ALDH1A3: variants seen among roughly 807,000 people sequenced by gnomAD.
ALDH1A3 encodes the protein retinaldehyde dehydrogenase 3.
Under a neutral mutation model 57.5 loss-of-function variants are expected in ALDH1A3, and 28 were observed. The ratio of observed to expected loss-of-function variants is 0.49; its 90% CI spans 0.36 to 0.67. ALDH1A3 has a LOEUF of 0.67. Ranked by LOEUF, ALDH1A3 falls within the 30% of genes least tolerant of loss-of-function variation. ALDH1A3 has a pLI of 0.00. For synonymous variants in ALDH1A3, 281 were observed against 264.8 expected (o/e 1.06, Z -0.59); for missense variants, 507 against 669.4 (o/e 0.76, Z 2.68).
rs1465652634 is a variant in ALDH1A3, at chr15:100,879,961, G to C, written c.54G>C (p.Pro18=). 1 of 1,475,670 alleles carries C rather than the reference G, an allele frequency of 6.8e-7. No homozygotes were observed. Among genetic ancestry groups the C allele is most frequent in the Non-Finnish European group, 9.0e-7 (1 of 1,112,336 alleles). 91.4% of individuals were successfully genotyped at this position (1,475,670 alleles called of 1,614,324 possible). The stretch of plus-strand genomic sequence containing the variant: ...ACGGGCAGCCGGACAGGAAGCCGCC[G>C]GCCCTGCCGCGCCCCATCCGCAACC... The part of the protein sequence containing the change: ...VENGQPDRKP[P]ALPRPIRNLE... Residue 18 remains proline, a synonymous_variant, in exon 1 of 13, where the codon CCG becomes CCC. Coordinates refer to ENST00000329841, the MANE Select transcript of ALDH1A3 (RefSeq NM_000693.4).
chr15:100,902,256 T>C (rs1315615507), intron 9 of ALDH1A3, among the ~76,000 whole-genome samples: 1 of 152,210 alleles, frequency 6.6e-6, no homozygotes, highest in Non-Finnish European at 1.5e-5. Context: ...AGAGAACAGA[T>C]AGAGGCAGAA....
intron 6 of ALDH1A3, 161 bp from the exon 7 acceptor site, chr15:100,895,770 TCC>T (rs2141558226): frequency 1.6e-6 from 1 of 637,162 alleles, no homozygotes; most frequent in Admixed American, 2.5e-5. Flanking sequence ...CCAGGTCAGC[TCC>T]CAGGGTGCCC....
At chr15:100,891,670 C>T (rs1441093231) in intron 3 of ALDH1A3, among the ~76,000 whole-genome samples, 1 of 152,230 alleles carries the variant, frequency 6.6e-6, no homozygotes, top group Non-Finnish European at 1.5e-5. Context: ...CCATCTCACT[C>T]CACTGACTCT....
chr15:100,880,051 C>T (rs1468836083), intron 1 of ALDH1A3, 45 bp downstream of exon 1: 3 of 1,354,498 alleles, frequency 2.2e-6, no homozygotes, highest in South Asian at 1.7e-5. Context: ...GGCCCCTGCG[C>T]TGGGCAGCCA....
In ALDH1A3 at chr15:100,879,867, C is replaced by G. The variant is rs1025245765; in HGVS notation, c.-41C>G. On this transcript the variant is annotated 5_prime_UTR_variant, in exon 1 of 13. Transcript: ENST00000329841. Reference sequence around the variant, plus strand: ...CAGTGTCCGGGCCGAGCCGGTGCGCCGCAGACTAGGGCGCCTCGGGCCAGG... The same window carrying G: ...CAGTGTCCGGGCCGAGCCGGTGCGCGGCAGACTAGGGCGCCTCGGGCCAGG... The G allele has an allele frequency of 1.5e-6, 2 of 1,316,090 alleles. No homozygotes were observed. Among genetic ancestry groups the G allele is most frequent in the Admixed American group, 3.7e-5 (1 of 27,172 alleles). The allele number at this position is 1,316,090 out of a possible 1,614,324, so 81.5% of individuals were successfully genotyped here.
Position 100,905,529 on chromosome 15 carries a change from C to A in ALDH1A3, c.1075C>A (p.Gln359Lys). 1 of 1,614,116 alleles carries A rather than the reference C, an allele frequency of 6.2e-7. No individual in the cohort carries two copies. ...TCTTGTTTGTGTCTTGCAGATTGAT[C>A]AAAAGCAGTTCGACAAAATCTTAGA... Reference protein sequence around the residue: ...VKTEQGPQIDQKQFDKILELI... With the variant: ...VKTEQGPQIDKKQFDKILELI... Residue 359 changes from glutamine to lysine, a missense_variant, in exon 10 of 13, where the codon CAA becomes AAA. Around this residue, in one of 2 missense-constraint regions of ALDH1A3, gnomAD observed 432 missense variants for 608.4 expected, o/e 0.71. Coordinates refer to ENST00000329841, the MANE Select transcript of ALDH1A3 (RefSeq NM_000693.4).
intron 1 of ALDH1A3, among the ~76,000 whole-genome samples, chr15:100,883,536 TG>T (rs1229316807): frequency 6.6e-6 from 1 of 152,288 alleles, no homozygotes; most frequent in African/African-American, 2.4e-5. Flanking sequence ...GATTCCAAAC[TG>T]GGGGGCAGCT....
At chr15:100,909,496 C>T in intron 12 of ALDH1A3, among the ~76,000 whole-genome samples, 1 of 109,316 alleles carries the variant, frequency 9.1e-6, no homozygotes, top group African/African-American at 3.3e-5. Context: ...CACTGCAAAC[C>T]CCAGTGTGTG....
At position 100,914,847 on chromosome 15, in the gene ALDH1A3, T is replaced by A. The variant is rs962999027; in HGVS notation, c.*74T>A. On this transcript the variant is annotated 3_prime_UTR_variant, in exon 13 of 13. Coordinates refer to ENST00000329841, the MANE Select transcript of ALDH1A3 (RefSeq NM_000693.4). ...GATGAAATGTGCTGGAGGAAAAAAA[T>A]GACATTTCTGACCTTCCCGGGACAC... 2.7e-5 allele frequency: 38 copies of A among 1,385,994 alleles called. No homozygotes were observed. In the South Asian group the frequency reaches 4.6e-4, roughly 17 times the overall value. 85.9% of individuals were successfully genotyped at this position (1,385,994 alleles called of 1,614,324 possible).
intron 9 of ALDH1A3, among the ~76,000 whole-genome samples, chr15:100,902,883 G>A (rs4246324): frequency 0.2 from 30,016 of 152,242 alleles, 3,329 homozygotes; most frequent in East Asian, 0.52. Context: ...CTGCCAGATG[G>A]CATATGCCCA....
At chr15:100,884,654 A>G (rs1352532409) in intron 1 of ALDH1A3, among the ~76,000 whole-genome samples, 1 of 151,764 alleles carries the variant, frequency 6.6e-6, no homozygotes, top group Non-Finnish European at 1.5e-5. Flanking sequence ...ATAGGTAAAC[A>G]TGCGCCATGG....
intron 1 of ALDH1A3, among the ~76,000 whole-genome samples, chr15:100,882,194 C>T (rs1596203503): frequency 1.3e-5 from 2 of 152,218 alleles, no homozygotes; most frequent in African/African-American, 4.8e-5. Flanking sequence ...GCCCTAGCCC[C>T]GGCAGTGCCA....
chr15:100,906,760 C>T lies in ALDH1A3; in HGVS notation c.1234-361C>T, dbSNP rs184321303. On this transcript the variant is annotated intron_variant, in intron 10 of 12. Coordinates refer to ENST00000329841, the MANE Select transcript of ALDH1A3 (RefSeq NM_000693.4). This position sits in a 1 kb window ranked among gnomAD's most constrained non-coding sequence, Gnocchi z 4.8. ...AGTCTTACAAAGTGCCTGCAGATAT[C>T]CTTCAGGACAACTCCGAAAAAAGTT... Among the ~76,000 whole-genome samples the T allele has an allele frequency of 6.3e-4, 96 of 152,282 alleles. No homozygotes were observed. The highest frequency in any genetic ancestry group is 2.0e-3 in the African/African-American group (84 of 41,544).
chr15:100,906,579 C>G lies in ALDH1A3; in HGVS notation c.1234-542C>G, dbSNP rs1263480770. ...AATTACAAGCTCCCTTCAAAATCACCTTTAAATGTTCAAGCCTTAGTTCTT... is the reference window on the plus strand; with the variant it reads ...AATTACAAGCTCCCTTCAAAATCACGTTTAAATGTTCAAGCCTTAGTTCTT... On this transcript the variant is annotated intron_variant, in intron 10 of 12. Coordinates refer to ENST00000329841, the MANE Select transcript of ALDH1A3 (RefSeq NM_000693.4). The surrounding 1 kb of genome is among the most constrained non-coding windows in gnomAD (Gnocchi z 4.8). 6.6e-6 allele frequency among the ~76,000 whole-genome samples: 1 copy of G among 152,200 alleles called. No individual in the cohort carries two copies. Among genetic ancestry groups the G allele is most frequent in the Non-Finnish European group, 1.5e-5 (1 of 68,044 alleles).
chr15:100,909,104 C>G (rs1048476468), intron 12 of ALDH1A3, among the ~76,000 whole-genome samples: 1 of 144,364 alleles, frequency 6.9e-6, no homozygotes, highest in Non-Finnish European at 1.5e-5. Context: ...CTGCAAACCC[C>G]TCCGTGCGTG....
At position 100,894,193 on chromosome 15, in the gene ALDH1A3, G is replaced by T; in HGVS notation, c.666+111G>T. 1 of 1,362,508 alleles carries T rather than the reference G, an allele frequency of 7.3e-7. No individual in the cohort carries two copies. Among genetic ancestry groups the T allele is most frequent in the Non-Finnish European group, 1.0e-6 (1 of 992,844 alleles). 84.4% of individuals were successfully genotyped at this position (1,362,508 alleles called of 1,614,324 possible). A position where few individuals can be genotyped will look rare whatever the true frequency, so the allele number is the denominator to read the frequency against. ...TGGCAGACTGCTGGCAATCGAGTGG[G>T]AAGGGAATGACTTCCAGTGTTTTGT... is the stretch of plus-strand genomic sequence containing the variant. On this transcript the variant is annotated intron_variant, in intron 6 of 12. Transcript: ENST00000329841. The surrounding 1 kb of genome is among the most constrained non-coding windows in gnomAD (Gnocchi z 4.5).
intron 7 of ALDH1A3, among the ~76,000 whole-genome samples, chr15:100,896,768 A>G (rs1428297987): frequency 6.6e-6 from 1 of 152,244 alleles, no homozygotes; most frequent in Non-Finnish European, 1.5e-5. Context: ...AGGATATTAT[A>G]TTCATTCTCT....
chr15:100,916,013 G>A lies in ALDH1A3; in HGVS notation c.*1240G>A, dbSNP rs892044322. On this transcript the variant is annotated 3_prime_UTR_variant, in exon 13 of 13. Transcript: ENST00000329841. ...AACAAAAACAAATGTGTTATCCGACGGATACTTTTATGGTTACTAACTAGT... is the reference window on the plus strand; with the variant it reads ...AACAAAAACAAATGTGTTATCCGACAGATACTTTTATGGTTACTAACTAGT... 2 of 152,162 alleles carry A rather than the reference G, an allele frequency of 1.3e-5. No individual in the cohort carries two copies. Among genetic ancestry groups the A allele is most frequent in the East Asian group, 1.9e-4 (1 of 5,206 alleles). 9.4% of individuals were successfully genotyped at this position (152,162 alleles called of 1,614,324 possible).
intron 3 of ALDH1A3, among the ~76,000 whole-genome samples, chr15:100,890,738 T>C (rs1567169005): frequency 6.6e-6 from 1 of 152,216 alleles, no homozygotes; most frequent in Non-Finnish European, 1.5e-5. Context: ...TGCTGGATGT[T>C]GAAGTCCTCT....
Sources: allele counts gnomAD v4.1 joint callset (sites outside exome capture counted in the v4.1 genomes callset), GRCh38; gene constraint gnomAD v4.1.1; regional missense constraint gnomAD v4.1.1; non-coding constraint Gnocchi (gnomAD v3.1); transcripts MANE v1.5; gene names NCBI Gene and HGNC (gene_info 2026-07-23, HGNC 2026-07-21).